AMN1: variants seen among roughly 807,000 people sequenced by gnomAD.
AMN1 encodes the protein protein AMN1 homolog.
A neutral mutation model predicts 33.0 loss-of-function variants in AMN1; 20 were observed. That is an observed-to-expected ratio of 0.61 (90% confidence interval 0.43 to 0.88). The LOEUF (loss-of-function observed/expected upper bound fraction) is 0.88. Ranked by LOEUF, AMN1 falls within the 40% of genes least tolerant of loss-of-function variation. The pLI, the probability that AMN1 is intolerant of heterozygous loss-of-function variation, is 0.00. For synonymous variants in AMN1, 114 were observed against 111.9 expected, an observed-to-expected ratio of 1.02 and a Z score of -0.12; for missense variants, 246 against 307.4, an observed-to-expected ratio of 0.80 and a Z score of 1.49.
At chr12:31,694,156 T>C (rs563115099) in intron 5 of AMN1, among the ~76,000 whole-genome samples, 319 of 140,354 alleles carry the variant, frequency 2.3e-3, no homozygotes, top group Non-Finnish European at 3.8e-3. Context: ...AAAAAAAAAA[T>C]TAGGGCTGGG....
At chr12:31,728,822 G>T (rs374071700) in intron 1 of AMN1, 149 bp downstream of exon 1, 1 of 916,250 alleles carries the variant, frequency 1.1e-6, no homozygotes, top group East Asian at 2.9e-5. Context: ...CGACAGATCA[G>T]GAACCCAGGG....
At position 31,713,667 on chromosome 12, in the gene AMN1, C is replaced by T. The variant is rs11831623; in HGVS notation, c.39-4242G>A. ...ACCAGCCTGGGAAACATGGCAAAAC[C>T]CTGTCTCTACAAATAATACAAAAAT... On this transcript the variant is annotated intron_variant, in intron 1 of 6. Coordinates refer to ENST00000281471, the MANE Select transcript of AMN1 (RefSeq NM_001113402.2). Among the ~76,000 whole-genome samples the T allele has an allele frequency of 8.4e-3, 1,272 of 152,160 alleles. 18 individuals are homozygous for T. The highest frequency in any genetic ancestry group is 0.029 in the African/African-American group (1,200 of 41,492).
In AMN1 at chr12:31,719,299, A is replaced by G. The variant is rs571564136; in HGVS notation, c.38+9672T>C. 3.9e-4 allele frequency: 379 copies of G among 965,050 alleles called. 1 individual carries two copies. The African/African-American group carries it at 4.6e-3, about 12-fold the overall frequency. The allele number at this position is 965,050 out of a possible 1,614,324, so 59.8% of individuals were successfully genotyped here. ...AGACTGGAGCTGTTCCCATTTAGCC[A>G]TCTTGGAAGTGACCTCCCAATTTCT... On this transcript the variant is annotated intron_variant, in intron 1 of 6. Coordinates refer to ENST00000281471, the MANE Select transcript of AMN1 (RefSeq NM_001113402.2).
At chr12:31,719,201 T>C (rs757976683) in intron 1 of AMN1, 233 of 258,444 alleles carry the variant, frequency 9.0e-4, no homozygotes, top group Non-Finnish European at 1.3e-3. Flanking sequence ...CCAGTCCCAG[T>C]GAGATGAACC....
intron 5 of AMN1, among the ~76,000 whole-genome samples, chr12:31,696,769 A>C (rs574930306): frequency 6.6e-6 from 1 of 152,088 alleles, no homozygotes; most frequent in South Asian, 2.1e-4. Context: ...TCTACTAAAA[A>C]TACAAAAATT....
In AMN1 at chr12:31,713,256, GTA is replaced by G. The variant is rs1217507009; in HGVS notation, c.39-3833_39-3832del. Among the ~76,000 whole-genome samples, 7 of 151,976 alleles carry G rather than the reference GTA, an allele frequency of 4.6e-5. No homozygotes were observed. In the South Asian group the frequency reaches 6.2e-4, roughly 13 times the overall value. ...TGTATAAGTATCTCTCTCCATGTAT[GTA>G]TATGTGTTTGCACATAAATATGTTT... On this transcript the variant is annotated intron_variant, in intron 1 of 6. Transcript: ENST00000281471.
At chr12:31,679,097 C>T (rs1006300553) in intron 6 of AMN1, among the ~76,000 whole-genome samples, 3 of 151,840 alleles carry the variant, frequency 2.0e-5, no homozygotes, top group African/African-American at 2.4e-5. Flanking sequence ...TCTCTTGAGC[C>T]CAAGAGTTCG....
At position 31,696,110 on chromosome 12, in the gene AMN1, G is replaced by T. The variant is rs142396761; in HGVS notation, c.591+1251C>A. On this transcript the variant is annotated intron_variant, in intron 5 of 6. Coordinates refer to ENST00000281471, the MANE Select transcript of AMN1 (RefSeq NM_001113402.2). Reference sequence around the variant, plus strand: ...AAATTAGCTGGATGTGGTGGCACATGCCTGCAGTCCCAGCTACTCAGGAGA... The same window carrying T: ...AAATTAGCTGGATGTGGTGGCACATTCCTGCAGTCCCAGCTACTCAGGAGA... Among the ~76,000 whole-genome samples the T allele has an allele frequency of 8.3e-3, 1,267 of 151,936 alleles. 18 individuals are homozygous for T. Among genetic ancestry groups the T allele is most frequent in the African/African-American group, 0.029 (1,198 of 41,490 alleles).
At chr12:31,682,417 G>A (rs895855554) in intron 6 of AMN1, among the ~76,000 whole-genome samples, 5 of 150,822 alleles carry the variant, frequency 3.3e-5, no homozygotes, top group African/African-American at 9.7e-5. Context: ...AGTGTAGGGC[G>A]GCCACTACTC....
chr12:31,718,066 G>A (rs182455662), intron 1 of AMN1, among the ~76,000 whole-genome samples: 46 of 152,104 alleles, frequency 3.0e-4, no homozygotes, highest in Non-Finnish European at 5.4e-4. Flanking sequence ...ATCAATCGTA[G>A]GTTTGGTCTT....
rs138176123 is a variant in AMN1, at chr12:31,726,395, A to C, written c.38+2576T>G. Among the ~76,000 whole-genome samples the C allele has an allele frequency of 6.7e-3, 1,019 of 152,296 alleles. 13 individuals are homozygous for C. The highest frequency in any genetic ancestry group is 0.023 in the African/African-American group (955 of 41,560). On this transcript the variant is annotated intron_variant, in intron 1 of 6. Coordinates refer to ENST00000281471, the MANE Select transcript of AMN1 (RefSeq NM_001113402.2). ...AGACTAGTCTCGAACTCCCCACCTC[A>C]GGTGATCCACCTGCCTCAGCCTTCC...
intron 1 of AMN1, among the ~76,000 whole-genome samples, chr12:31,718,112 G>A (rs1413934216): frequency 1.3e-5 from 2 of 151,852 alleles, no homozygotes; most frequent in East Asian, 1.9e-4. Context: ...GGCTTTGTTC[G>A]TTTTCATTCC....
At chr12:31,680,400 C>T (rs1162162345) in intron 6 of AMN1, among the ~76,000 whole-genome samples, 1 of 152,046 alleles carries the variant, frequency 6.6e-6, no homozygotes, top group African/African-American at 2.4e-5. Context: ...GGGGTTTCAC[C>T]ATGTTGGCCA....
intron 6 of AMN1, among the ~76,000 whole-genome samples, chr12:31,677,286 C>T (rs1228776202): frequency 2.0e-5 from 3 of 151,984 alleles, no homozygotes; most frequent in African/African-American, 4.8e-5. Context: ...GGTGACTGAG[C>T]GAGACTCCGT....
intron 1 of AMN1, chr12:31,719,406 A>G (rs1380068719): frequency 1.4e-6 from 1 of 724,210 alleles, no homozygotes; most frequent in Non-Finnish European, 1.7e-6. Context: ...TGTAGAGAAA[A>G]GGTTAGACAT....
chr12:31,723,489 T>C (rs943671300), intron 1 of AMN1, among the ~76,000 whole-genome samples: 6 of 152,134 alleles, frequency 3.9e-5, no homozygotes, highest in African/African-American at 1.2e-4. Flanking sequence ...TTTTTGTATT[T>C]TTAGTAGAGA....
chr12:31,679,925 G>T (rs1180826283), intron 6 of AMN1, among the ~76,000 whole-genome samples: 2 of 151,904 alleles, frequency 1.3e-5, no homozygotes, highest in Non-Finnish European at 2.9e-5. Context: ...AGGAGTTCGA[G>T]ACTAGGCTGG....
chr12:31,724,197 G>GAAC (rs950935709), intron 1 of AMN1, among the ~76,000 whole-genome samples: 15 of 152,178 alleles, frequency 9.9e-5, no homozygotes, highest in Non-Finnish European at 1.8e-4. Flanking sequence ...AGTAAGAGAT[G>GAAC]AACAACAACA....
intron 5 of AMN1, among the ~76,000 whole-genome samples, chr12:31,694,086 C>T (rs1022563563): frequency 6.6e-6 from 1 of 150,748 alleles, no homozygotes; most frequent in Non-Finnish European, 1.5e-5. Flanking sequence ...TTAAAAGCAA[C>T]AGATTAAAAT....
Sources: gnomAD v4.1 joint callset for allele counts (sites outside exome capture counted in the v4.1 genomes callset) on GRCh38, gnomAD v4.1.1 for gene constraint, MANE v1.5 for transcripts, NCBI Gene and HGNC (gene_info 2026-07-23, HGNC 2026-07-21) for gene names.